Variants in CFAP57 observed in about 807,000 individuals in gnomAD.
The protein encoded by CFAP57 is cilia- and flagella-associated protein 57.
A neutral mutation model predicts 146.8 loss-of-function variants in CFAP57; 116 were observed. The observed-to-expected ratio is 0.79, with a 90% CI of 0.68 to 0.92. CFAP57 has a LOEUF of 0.92. Among genes scored for constraint, CFAP57 ranks in the 40% least tolerant of loss-of-function variants. The pLI, the probability that CFAP57 is intolerant of heterozygous loss-of-function variation, is 0.00. For synonymous variants in CFAP57, 518 were observed against 552.8 expected (o/e 0.94, Z 0.88); for missense variants, 1,377 against 1,527.2 (o/e 0.90, Z 1.64).
At chr1:43,219,331 T>G in intron 12 of CFAP57, 51 bp from the exon 13 acceptor site, 1 of 1,511,166 alleles carries the variant, frequency 6.6e-7, no homozygotes. Context: ...TTAAATATTC[T>G]GAGTCACCCT....
intron 21 of CFAP57, among the ~76,000 whole-genome samples, chr1:43,237,746 A>G (rs1293630913): frequency 2.0e-5 from 3 of 152,300 alleles, no homozygotes; most frequent in Admixed American, 1.3e-4. Context: ...ACGAGAAGAG[A>G]GTCCAAGTGG....
chr1:43,199,619 C>T (rs1644028487), intron 9 of CFAP57, 116 bp downstream of exon 9: 2 of 900,678 alleles, frequency 2.2e-6, no homozygotes, highest in African/African-American at 1.6e-5. Flanking sequence ...GGTTCACTGT[C>T]TACTTGGGGA....
intron 18 of CFAP57, among the ~76,000 whole-genome samples, chr1:43,231,814 C>T (rs1429708234): frequency 6.6e-6 from 1 of 152,086 alleles, no homozygotes; most frequent in Non-Finnish European, 1.5e-5. Context: ...TTGCAGTGAG[C>T]CAAGATAGAG....
chr1:43,242,211 C>T (rs1645952226), intron 21 of CFAP57, among the ~76,000 whole-genome samples: 1 of 152,138 alleles, frequency 6.6e-6, no homozygotes, highest in Non-Finnish European at 1.5e-5. Context: ...GGGGTCAATT[C>T]CTAGGAATCC....
At chr1:43,194,723 G>A (rs992478543) in intron 6 of CFAP57, 3 of 152,024 alleles carry the variant, frequency 2.0e-5, no homozygotes. Flanking sequence ...ATCTATTCTT[G>A]AGCACCTCTA....
intron 1 of CFAP57, 139 bp downstream of exon 1, chr1:43,172,592 A>AG: frequency 1.5e-5 from 6 of 411,306 alleles, no homozygotes; most frequent in Admixed American, 3.2e-5. Context: ...GGACAAGGGG[A>AG]GGGGAAAGGG....
At chr1:43,236,100 G>C (rs1457860250) in intron 21 of CFAP57, among the ~76,000 whole-genome samples, 1 of 151,882 alleles carries the variant, frequency 6.6e-6, no homozygotes, top group Non-Finnish European at 1.5e-5. Flanking sequence ...GCCCAGCCCT[G>C]CCACTCCCTG....
rs1376305856 is a variant in CFAP57 at position 43,206,944 on chromosome 1, C to T, written c.1755+12C>T. On this transcript the variant is annotated intron_variant, in intron 10 of 22. Transcript: ENST00000372492. ...TTGCAGATTCCTTGGTGAGTCTGCC[C>T]CTGCCCCGCCTCTGGGCTGGTGCAC... 6.3e-7 allele frequency: 1 copy of T among 1,599,998 alleles called. No homozygotes were observed. The highest frequency in any genetic ancestry group is 8.5e-7 in the Non-Finnish European group (1 of 1,173,402).
In CFAP57 at chr1:43,234,525, C is replaced by G. The variant is rs1163308231; in HGVS notation, c.3292C>G (p.Gln1098Glu). 2 of 1,549,870 alleles carry G rather than the reference C, an allele frequency of 1.3e-6. No homozygotes were observed. Among genetic ancestry groups the G allele is most frequent in the African/African-American group, 2.7e-5 (2 of 72,964 alleles). The change falls in exon 21 of 23, where the codon CAG (glutamine) becomes GAG (glutamate). Residue 1098 changes from glutamine (Q) to glutamate (E), a missense_variant. Coordinates refer to ENST00000372492, the MANE Select transcript of CFAP57 (RefSeq NM_001378189.1). ...VEIAGLNTDL[Q>E]QEYTRQREHL... Reference sequence around the variant, plus strand: ...GATCGCAGGGCTGAACACAGACCTGCAGCAGGAGTACACCCGGCAGCGGGA... The same window carrying G: ...GATCGCAGGGCTGAACACAGACCTGGAGCAGGAGTACACCCGGCAGCGGGA...
At chr1:43,207,816 G>A (rs529811304) in intron 10 of CFAP57, among the ~76,000 whole-genome samples, 25 of 152,288 alleles carry the variant, frequency 1.6e-4, no homozygotes, top group Admixed American at 6.5e-4. Flanking sequence ...TAGATACCAC[G>A]GCAGCAAGCT....
At chr1:43,184,478 A>G (rs1177596863) in intron 4 of CFAP57, among the ~76,000 whole-genome samples, 1 of 152,196 alleles carries the variant, frequency 6.6e-6, no homozygotes, top group Non-Finnish European at 1.5e-5. Flanking sequence ...CATTTTATAA[A>G]TATTCCCAAT....
chr1:43,186,630 A>T, intron 5 of CFAP57, 77 bp from the exon 6 acceptor site: 2 of 1,290,548 alleles, frequency 1.5e-6, no homozygotes, highest in Non-Finnish European at 2.2e-6. Context: ...AAAAAAAAAA[A>T]AAAGAAAACT....
In CFAP57 at chr1:43,183,872, A is replaced by G. The variant is rs770822713; in HGVS notation, c.756A>G (p.Ser252=). 1.2e-6 allele frequency: 2 copies of G among 1,613,924 alleles called. No individual in the cohort carries two copies. The highest frequency in any genetic ancestry group is 2.7e-5 in the African/African-American group (2 of 74,936). ...GSKSLDVIQE[S]ESLIEFPPVS... ...AGAGCCTGGATGTCATTCAGGAATC[A>G]GAGAGGTAATGGTGCTTCCTGGGCT... is the stretch of plus-strand genomic sequence containing the variant. Residue 252 remains serine (S), a synonymous_variant, in exon 4 of 23, where the codon TCA becomes TCG. Coordinates refer to ENST00000372492, the MANE Select transcript of CFAP57 (RefSeq NM_001378189.1).
rs182587512 is a variant in CFAP57, at chr1:43,183,039, C to T, written c.475-552C>T. 1.6e-3 allele frequency among the ~76,000 whole-genome samples: 240 copies of T among 152,346 alleles called. 1 individual carries two copies. The highest frequency in any genetic ancestry group is 2.4e-3 in the Non-Finnish European group (161 of 68,034). ...AGCCGCTCAATCACTAGGGTAACAA[C>T]CAAGATACTCTACAGTGTGGTGCTG... On this transcript the variant is annotated intron_variant, in intron 3 of 22. Coordinates refer to ENST00000372492, the MANE Select transcript of CFAP57 (RefSeq NM_001378189.1).
chr1:43,184,240 A>G (rs1218923433), intron 4 of CFAP57, among the ~76,000 whole-genome samples: 1 of 152,188 alleles, frequency 6.6e-6, no homozygotes, highest in Non-Finnish European at 1.5e-5. Context: ...GATGCTGGGG[A>G]CACAAGTCCT....
At position 43,254,190 on chromosome 1, in the gene CFAP57, G is replaced by T; in HGVS notation, c.3752G>T (p.Ter1251LeuextTer?). 6.5e-7 allele frequency: 1 copy of T among 1,546,054 alleles called. No homozygotes were observed. Among genetic ancestry groups the T allele is most frequent in the South Asian group, 1.2e-5 (1 of 83,750 alleles). The change falls in exon 23 of 23, where the codon TGA (stop) becomes TTA (leucine). Residue 1251 changes from the stop codon to leucine (L), a stop_lost. Coordinates refer to ENST00000372492, the MANE Select transcript of CFAP57 (RefSeq NM_001378189.1). ...SEVDLEVKTN[*>L] ...GTAGACTTAGAGGTGAAGACCAACT[G>T]ACCCCCTCTGGTGAGCCATCTCCAG... is the stretch of plus-strand genomic sequence containing the variant.
intron 17 of CFAP57, among the ~76,000 whole-genome samples, chr1:43,225,342 T>C (rs1645205730): frequency 6.6e-6 from 1 of 152,218 alleles, no homozygotes; most frequent in African/African-American, 2.4e-5. Flanking sequence ...GTAGTAAATA[T>C]TTTTGGCTTT....
intron 2 of CFAP57, chr1:43,177,059 A>G: frequency 2.2e-6 from 1 of 449,350 alleles, no homozygotes; most frequent in Non-Finnish European, 4.5e-6. Context: ...TCTTACTCAG[A>G]GTCAAATGAG....
chr1:43,174,602 G>C (rs554790063), intron 2 of CFAP57, among the ~76,000 whole-genome samples: 82 of 152,310 alleles, frequency 5.4e-4, no homozygotes, highest in Non-Finnish European at 9.8e-4. Flanking sequence ...CAGATCACGA[G>C]GTCAAGAGAT....
Sources: allele counts gnomAD v4.1 joint callset (sites outside exome capture counted in the v4.1 genomes callset), GRCh38; gene constraint gnomAD v4.1.1; transcripts MANE v1.5; gene names NCBI Gene and HGNC (gene_info 2026-07-23, HGNC 2026-07-21).